The following FGFBP2 variants were observed in gnomAD, a reference collection of about 807,000 sequenced individuals.
FGFBP2 encodes fibroblast growth factor-binding protein 2.
A neutral mutation model predicts 7.3 loss-of-function variants in FGFBP2; 7 were observed. The ratio of observed to expected loss-of-function variants is 0.96; its 90% CI spans 0.55 to 1.81. The LOEUF is 1.81. Ranked by LOEUF, FGFBP2 falls within the 40% of genes most tolerant of loss-of-function variation. FGFBP2 has a pLI of 0.00. For missense variants in FGFBP2, 291 were observed against 280.1 expected, an observed-to-expected ratio of 1.04 and a Z score of -0.28; for synonymous variants, 131 against 110.2, an observed-to-expected ratio of 1.19 and a Z score of -1.18.
rs575194547 is a variant in FGFBP2, at chr4:15,962,867, G to C, written c.263C>G (p.Pro88Arg). The change falls in exon 1 of 2, where the codon CCC (proline) becomes CGC (arginine). Residue 88 changes from proline (P) to arginine (R), a missense_variant. Physicochemically the swap from Pro to Arg is moderately radical, Grantham distance 103. Transcript: ENST00000259989. Reference sequence around the variant, plus strand: ...CAGGGCTTGATTCCAGTAAGGTTTGGGGTCAGCAGCGAAAGCCTGGCACAT... The same window carrying C: ...CAGGGCTTGATTCCAGTAAGGTTTGCGGTCAGCAGCGAAAGCCTGGCACAT... ...PSMCQAFAAD[P>R]KPYWNQALQE... 6.4e-7 allele frequency: 1 copy of C among 1,558,974 alleles called. No individual in the cohort carries two copies. The highest frequency in any genetic ancestry group is 8.7e-7 in the Non-Finnish European group (1 of 1,154,076).
intron 1 of FGFBP2, among the ~76,000 whole-genome samples, chr4:15,962,076 C>T (rs1560350331): frequency 6.6e-6 from 1 of 152,218 alleles, no homozygotes; most frequent in Non-Finnish European, 1.5e-5. Flanking sequence ...GGTTCCATCA[C>T]AAGGAGATTC....
Position 15,962,835 on chromosome 4 carries a change from G to T in FGFBP2, c.295C>A (p.Leu99Met). ...KPYWNQALQE[L>M]RRLHHACQGA... ...TGGCACGCATGGTGAAGGCGCCTCA[G>T]CTCCTGCAGGGCTTGATTCCAGTAA... The change falls in exon 1 of 2, where the codon CTG (leucine) becomes ATG (methionine). Residue 99 changes from leucine (L) to methionine (M), a missense_variant. Physicochemically the swap from Leu to Met is conservative, Grantham distance 15. Coordinates refer to ENST00000259989, the MANE Select transcript of FGFBP2 (RefSeq NM_031950.4). 6.4e-7 allele frequency: 1 copy of T among 1,563,814 alleles called. No homozygotes were observed. Among genetic ancestry groups the T allele is most frequent in the East Asian group, 2.3e-5 (1 of 44,404 alleles).
intron 1 of FGFBP2, among the ~76,000 whole-genome samples, chr4:15,961,518 T>C (rs1447018622): frequency 6.6e-6 from 1 of 152,206 alleles, no homozygotes; most frequent in Non-Finnish European, 1.5e-5. Flanking sequence ...ATTTGTTTGG[T>C]GGTATTCGTT....
At chr4:15,961,953 C>T (rs1285356028) in intron 1 of FGFBP2, among the ~76,000 whole-genome samples, 5 of 152,220 alleles carry the variant, frequency 3.3e-5, no homozygotes, top group Admixed American at 6.5e-5. Context: ...CGGGGTGTGG[C>T]GACACCTCCA....
intron 1 of FGFBP2, among the ~76,000 whole-genome samples, chr4:15,961,949 G>A (rs1713093848): frequency 6.6e-6 from 1 of 152,170 alleles, no homozygotes; most frequent in Non-Finnish European, 1.5e-5. Context: ...AAGACGGGGT[G>A]TGGCGACACC....
rs763616620 is a variant in FGFBP2, at chr4:15,963,159, T to C, written c.-30A>G. The C allele has an allele frequency of 1.9e-6, 3 of 1,557,214 alleles. No homozygotes were observed. The highest frequency in any genetic ancestry group is 2.6e-6 in the Non-Finnish European group (3 of 1,148,664). ...ATACTCCGATAAACTTGCTTGCAAC[T>C]CTGCACCAGGAGAGAGAACACAAGT... On this transcript the variant is annotated 5_prime_UTR_variant, in exon 1 of 2. Transcript: ENST00000259989.
intron 1 of FGFBP2, among the ~76,000 whole-genome samples, chr4:15,961,542 T>G (rs1009218053): frequency 8.5e-5 from 13 of 152,320 alleles, no homozygotes; most frequent in African/African-American, 3.1e-4. Context: ...AAAGTGCTGT[T>G]TATCAGGAAA....
chr4:15,961,148 T>C (rs1037091873), intron 1 of FGFBP2, among the ~76,000 whole-genome samples: 6 of 152,232 alleles, frequency 3.9e-5, no homozygotes, highest in Non-Finnish European at 4.4e-5. Flanking sequence ...CATCTGTCTG[T>C]GTAAATACGC....
intron 1 of FGFBP2, 87 bp downstream of exon 1, chr4:15,962,351 G>A: frequency 8.4e-7 from 1 of 1,194,628 alleles, no homozygotes; most frequent in East Asian, 2.6e-5. Context: ...CGCAGCAGCT[G>A]TGAAAGTGCT....
Position 15,962,833 on chromosome 4 carries a change from C to T in FGFBP2, c.297G>A (p.Leu99=). Reference sequence around the variant, plus strand: ...CCTGGCACGCATGGTGAAGGCGCCTCAGCTCCTGCAGGGCTTGATTCCAGT... The same window carrying T: ...CCTGGCACGCATGGTGAAGGCGCCTTAGCTCCTGCAGGGCTTGATTCCAGT... The part of the protein sequence containing the change: ...KPYWNQALQE[L]RRLHHACQGA... Residue 99 remains leucine, a synonymous_variant, in exon 1 of 2, where the codon CTG becomes CTA. Coordinates refer to ENST00000259989, the MANE Select transcript of FGFBP2 (RefSeq NM_031950.4). 6.4e-7 allele frequency: 1 copy of T among 1,563,098 alleles called. No individual in the cohort carries two copies. Among genetic ancestry groups the T allele is most frequent in the Non-Finnish European group, 8.6e-7 (1 of 1,157,116 alleles).
rs369209990 is a variant in FGFBP2 at position 15,963,173 on chromosome 4, G to A, written c.-44C>T. 1.4e-5 allele frequency: 21 copies of A among 1,536,502 alleles called. No homozygotes were observed. Among genetic ancestry groups the A allele is most frequent in the African/African-American group, 2.8e-5 (2 of 72,566 alleles). On this transcript the variant is annotated 5_prime_UTR_variant, in exon 1 of 2. Coordinates refer to ENST00000259989, the MANE Select transcript of FGFBP2 (RefSeq NM_031950.4). ...TTGCTTGCAACTCTGCACCAGGAGAGAGAACACAAGTGGGACGAGTCACCC... is the reference window on the plus strand; with the variant it reads ...TTGCTTGCAACTCTGCACCAGGAGAAAGAACACAAGTGGGACGAGTCACCC...
intron 1 of FGFBP2, among the ~76,000 whole-genome samples, chr4:15,961,404 A>G (rs1281182868): frequency 6.6e-6 from 1 of 152,174 alleles, no homozygotes; most frequent in Non-Finnish European, 1.5e-5. Context: ...CAGATCTGAA[A>G]TCTTAAACAA....
Position 15,962,292 on chromosome 4 carries a change from A to C in FGFBP2, c.*20+146T>G. 4.7e-6 allele frequency: 3 copies of C among 634,878 alleles called. No individual in the cohort carries two copies. The East Asian group carries it at 8.6e-5, about 18-fold the overall frequency. 39.3% of individuals were successfully genotyped at this position (634,878 alleles called of 1,614,324 possible). A position where few individuals can be genotyped will look rare whatever the true frequency, so the allele number is the denominator to read the frequency against. On this transcript the variant is annotated intron_variant, in intron 1 of 1. Transcript: ENST00000259989. ...TACCTCATCTACACTGCTCTGCAACAGACAGCCTCAAACCCACCCCCAAAC... is the reference window on the plus strand; with the variant it reads ...TACCTCATCTACACTGCTCTGCAACCGACAGCCTCAAACCCACCCCCAAAC...
At chr4:15,960,747 G>T (rs890262422) in intron 1 of FGFBP2, 136 bp from the exon 2 acceptor site, 2 of 152,118 alleles carry the variant, frequency 1.3e-5, no homozygotes, top group Non-Finnish European at 2.9e-5. Flanking sequence ...CAGTACCTCA[G>T]GGAGCGTTTG....
chr4:15,963,150 G>T lies in FGFBP2; in HGVS notation c.-21C>A. 6.4e-7 allele frequency: 1 copy of T among 1,563,528 alleles called. No homozygotes were observed. Among genetic ancestry groups the T allele is most frequent in the Non-Finnish European group, 8.7e-7 (1 of 1,152,208 alleles). ...TTCATGGCGATACTCCGATAAACTT[G>T]CTTGCAACTCTGCACCAGGAGAGAG... On this transcript the variant is annotated 5_prime_UTR_variant, in exon 1 of 2. Transcript: ENST00000259989.
At chr4:15,962,231 A>G (rs966551854) in intron 1 of FGFBP2, among the ~76,000 whole-genome samples, 3 of 151,918 alleles carry the variant, frequency 2.0e-5, no homozygotes, top group Non-Finnish European at 2.9e-5. Context: ...GGTGATTCCT[A>G]TGCAACTCCA....
chr4:15,961,488 G>A (rs1713084004), intron 1 of FGFBP2, among the ~76,000 whole-genome samples: 1 of 152,124 alleles, frequency 6.6e-6, no homozygotes. Flanking sequence ...TGCTGCCTGG[G>A]CGCTTGTAGA....
intron 1 of FGFBP2, 73 bp downstream of exon 1, chr4:15,962,365 T>C: frequency 7.8e-7 from 1 of 1,285,292 alleles, no homozygotes; most frequent in Non-Finnish European, 1.0e-6. Context: ...AAGTGCTAAG[T>C]GCCTCTCACG....
chr4:15,961,111 C>A (rs1713073115), intron 1 of FGFBP2, among the ~76,000 whole-genome samples: 1 of 152,204 alleles, frequency 6.6e-6, no homozygotes, highest in South Asian at 2.1e-4. Flanking sequence ...AGCTTTAGCG[C>A]CTGTATGCAT....
Sources: allele counts gnomAD v4.1 joint callset (sites outside exome capture counted in the v4.1 genomes callset), GRCh38; gene constraint gnomAD v4.1.1; transcripts MANE v1.5; gene names NCBI Gene and HGNC (gene_info 2026-07-23, HGNC 2026-07-21).